The following SPAG17 variants were observed in gnomAD, a reference collection of about 807,000 sequenced individuals.
SPAG17 encodes sperm associated antigen 17, also known as sperm-associated antigen 17.
A neutral mutation model predicts 273.6 loss-of-function variants in SPAG17; 169 were observed. That is an observed-to-expected ratio of 0.62 (90% CI 0.55 to 0.70). SPAG17 has a LOEUF of 0.70. Ranked by LOEUF, SPAG17 falls within the 30% of genes least tolerant of loss-of-function variation. The pLI is 0.00. For synonymous variants in SPAG17, 825 were observed against 873.2 expected (o/e 0.94, Z 0.97); for missense variants, 2,557 against 2,627.8 (o/e 0.97, Z 0.59).
In SPAG17 at chr1:118,102,090, C is replaced by T. The variant is rs531268677; in HGVS notation, c.448-164G>A. ...GCATAGTGGAGATTCCAGCTTGAGACTAAGTTGTGACAAGGCACATTTATG... is the reference window on the plus strand; with the variant it reads ...GCATAGTGGAGATTCCAGCTTGAGATTAAGTTGTGACAAGGCACATTTATG... On this transcript the variant is annotated intron_variant, in intron 4 of 48. Coordinates refer to ENST00000336338, the MANE Select transcript of SPAG17 (RefSeq NM_206996.4). Among the ~76,000 whole-genome samples the T allele has an allele frequency of 3.3e-5, 5 of 152,266 alleles. No individual in the cohort carries two copies. The South Asian group carries it at 8.3e-4, about 25-fold the overall frequency.
intron 31 of SPAG17, among the ~76,000 whole-genome samples, chr1:118,007,590 C>G (rs1233019218): frequency 1.3e-5 from 2 of 152,134 alleles, no homozygotes; most frequent in African/African-American, 4.8e-5. Context: ...CTCCAGGGAC[C>G]ACACACACCA....
rs773511358 is a variant in SPAG17 at position 118,025,283 on chromosome 1, G to T, written c.3864C>A (p.Thr1288=). The change falls in exon 27 of 49, where the codon ACC becomes ACA. Residue 1288 remains threonine, a synonymous_variant. Coordinates refer to ENST00000336338, the MANE Select transcript of SPAG17 (RefSeq NM_206996.4). ...TATATTTGACAACAGTGCCTTGACTGGTGATAACCCTTGAAGCCTCCTGCT... is the reference window on the plus strand; with the variant it reads ...TATATTTGACAACAGTGCCTTGACTTGTGATAACCCTTGAAGCCTCCTGCT... ...PAEQEASRVI[T]SQGTVVKYML... is the part of the protein sequence containing the mutation. The T allele has an allele frequency of 3.1e-6, 5 of 1,613,546 alleles. No homozygotes were observed. The East Asian group carries it at 8.9e-5, about 29-fold the overall frequency.
At position 118,028,930 on chromosome 1, in the gene SPAG17, T is replaced by C. The variant is rs564579998; in HGVS notation, c.3610-536A>G. On this transcript the variant is annotated intron_variant, in intron 25 of 48. Transcript: ENST00000336338. ...ACCTTTGCCTCTTCCTCTTCTGCCA[T>C]GTGAGGACACATTGAAGGAACCATC... is the stretch of plus-strand genomic sequence containing the variant. Among the ~76,000 whole-genome samples, 202 of 152,320 alleles carry C rather than the reference T, an allele frequency of 1.3e-3. 2 individuals carry two copies. The South Asian group carries it at 0.017, about 13-fold the overall frequency.
intron 31 of SPAG17, among the ~76,000 whole-genome samples, chr1:118,006,139 T>C (rs1658855703): frequency 6.6e-6 from 1 of 152,246 alleles, no homozygotes; most frequent in Admixed American, 6.5e-5. Context: ...GATTTACCCT[T>C]TAAAAGTGTA....
intron 38 of SPAG17, among the ~76,000 whole-genome samples, chr1:117,989,944 T>TA (rs897792844): frequency 2.6e-5 from 4 of 151,922 alleles, no homozygotes; most frequent in South Asian, 2.1e-4. Flanking sequence ...GTACTTATAC[T>TA]AAAAAAAATT....
chr1:118,041,658 A>T (rs904918892), intron 21 of SPAG17, 145 bp downstream of exon 21: 61 of 1,049,842 alleles, frequency 5.8e-5, no homozygotes, highest in Non-Finnish European at 7.7e-5. Context: ...CAGGGGTGGA[A>T]TACAGGTTTG....
Position 118,116,759 on chromosome 1 carries a change from G to C in SPAG17, c.316-1318C>G, listed in dbSNP as rs139637631. Among the ~76,000 whole-genome samples, 770 of 152,334 alleles carry C rather than the reference G, an allele frequency of 5.1e-3. 7 individuals carry two copies. Among genetic ancestry groups the C allele is most frequent in the African/African-American group, 0.018 (741 of 41,570 alleles). ...AGGCCAGAGAAAGGATTCCTTTAAA[G>C]CTGCCTTTTCTAAAAACCAAAGGAA... is the stretch of plus-strand genomic sequence containing the variant. On this transcript the variant is annotated intron_variant, in intron 3 of 48. Coordinates refer to ENST00000336338, the MANE Select transcript of SPAG17 (RefSeq NM_206996.4).
intron 42 of SPAG17, among the ~76,000 whole-genome samples, chr1:117,982,604 T>C (rs1280663404): frequency 6.6e-6 from 1 of 152,356 alleles, no homozygotes; most frequent in East Asian, 1.9e-4. Flanking sequence ...ATTTCATCCC[T>C]AAATTCTTCA....
intron 3 of SPAG17, 88 bp downstream of exon 3, chr1:118,150,455 A>G: frequency 1.5e-6 from 1 of 660,662 alleles, no homozygotes; most frequent in Non-Finnish European, 2.5e-6. Context: ...ATTTTCAAAG[A>G]ATGAAATTTA....
At chr1:118,177,692 A>G (rs1035859563) in intron 1 of SPAG17, among the ~76,000 whole-genome samples, 1 of 152,210 alleles carries the variant, frequency 6.6e-6, no homozygotes, top group South Asian at 2.1e-4. Flanking sequence ...CTAAGAAAAA[A>G]GAGAGAAGAG....
At chr1:117,958,837 T>C (rs1368652016) in intron 48 of SPAG17, 4 of 1,077,722 alleles carry the variant, frequency 3.7e-6, no homozygotes, top group Middle Eastern at 4.1e-4. Context: ...ATTGTGTCTG[T>C]TTACTGTTTC....
intron 18 of SPAG17, among the ~76,000 whole-genome samples, chr1:118,063,310 C>T (rs987231960): frequency 3.3e-5 from 5 of 152,170 alleles, no homozygotes; most frequent in Admixed American, 3.3e-4. Context: ...TAGCTGGAGA[C>T]ATCACGCTAC....
In SPAG17 at chr1:118,093,261, C is replaced by T; in HGVS notation, c.1068G>A (p.Leu356=). Residue 356 remains leucine (L), a synonymous_variant, in exon 8 of 49, where the codon CTG becomes CTA. Coordinates refer to ENST00000336338, the MANE Select transcript of SPAG17 (RefSeq NM_206996.4). The part of the protein sequence containing the change: ...ENIACLMYDI[L]DWKRQHQHYL... ...AGTGCTGGTGCTGCCTTTTCCAATC[C>T]AGGATGTCATACATCAAGCAGGCAA... The T allele has an allele frequency of 6.2e-7, 1 of 1,613,528 alleles. No homozygotes were observed. Among genetic ancestry groups the T allele is most frequent in the South Asian group, 1.1e-5 (1 of 91,032 alleles).
At chr1:118,018,304 G>A (rs1463481149) in intron 28 of SPAG17, among the ~76,000 whole-genome samples, 1 of 152,104 alleles carries the variant, frequency 6.6e-6, no homozygotes, top group Non-Finnish European at 1.5e-5. Flanking sequence ...CCCCACTCTA[G>A]AACTGTCAGA....
intron 18 of SPAG17, among the ~76,000 whole-genome samples, chr1:118,061,531 C>G (rs1047857986): frequency 4.8e-4 from 73 of 152,112 alleles, no homozygotes; most frequent in African/African-American, 1.7e-3. Flanking sequence ...TTTACAGTGG[C>G]TGGTATGGGT....
At chr1:118,119,628 AT>A (rs1355295593) in intron 3 of SPAG17, among the ~76,000 whole-genome samples, 1 of 152,222 alleles carries the variant, frequency 6.6e-6, no homozygotes, top group Non-Finnish European at 1.5e-5. Context: ...CTTTGGATAT[AT>A]GAAGACCTCA....
intron 3 of SPAG17, among the ~76,000 whole-genome samples, chr1:118,139,851 T>C (rs1224927163): frequency 6.6e-6 from 1 of 152,158 alleles, no homozygotes; most frequent in African/African-American, 2.4e-5. Flanking sequence ...CCAAAACTCA[T>C]GCTGAAACTT....
intron 3 of SPAG17, among the ~76,000 whole-genome samples, chr1:118,125,691 T>A (rs1657681828): frequency 6.6e-6 from 1 of 152,250 alleles, no homozygotes; most frequent in African/African-American, 2.4e-5. Flanking sequence ...CATGTTTTTG[T>A]AAATGACAGG....
chr1:117,982,959 A>T (rs1211579666), intron 42 of SPAG17, among the ~76,000 whole-genome samples: 1 of 152,158 alleles, frequency 6.6e-6, no homozygotes, highest in Non-Finnish European at 1.5e-5. Flanking sequence ...CCTCTTGATT[A>T]GATTCTGGAT....
Sources: gnomAD v4.1 joint callset for allele counts (sites outside exome capture counted in the v4.1 genomes callset) on GRCh38, gnomAD v4.1.1 for gene constraint, MANE v1.5 for transcripts, NCBI Gene and HGNC (gene_info 2026-07-23, HGNC 2026-07-21) for gene names.